The following FMN2 variants were observed in gnomAD, a reference collection of about 807,000 sequenced individuals.
FMN2 encodes formin 2.
Under a neutral mutation model 142.3 loss-of-function variants are expected in FMN2, and 51 were observed. The observed-to-expected ratio is 0.36, with a 90% CI of 0.29 to 0.45. The LOEUF is 0.45. FMN2 is among the 20% of genes least tolerant of loss of function. FMN2 has a pLI of 1.00. For synonymous variants in FMN2, 882 were observed against 869.8 expected (o/e 1.01, Z -0.25); for missense variants, 1,936 against 2,122.8 (o/e 0.91, Z 1.73).
intron 8 of FMN2, among the ~76,000 whole-genome samples, chr1:240,322,022 C>A (rs954278561): frequency 5.3e-5 from 8 of 152,104 alleles, no homozygotes; most frequent in Middle Eastern, 3.2e-3. Context: ...ATTTAATACA[C>A]CTAGCTTATC....
intron 4 of FMN2, among the ~76,000 whole-genome samples, chr1:240,193,430 AG>A (rs1169811567): frequency 6.6e-6 from 1 of 152,252 alleles, no homozygotes; most frequent in Non-Finnish European, 1.5e-5. Context: ...CTTAACAAAA[AG>A]GGTGAAGGTT....
chr1:240,335,525 T>G (rs981625339), intron 13 of FMN2, among the ~76,000 whole-genome samples: 2 of 152,194 alleles, frequency 1.3e-5, no homozygotes, highest in African/African-American at 2.4e-5. Context: ...CACACTATGA[T>G]GTGTAAATGC....
chr1:240,144,320 A>G, intron 2 of FMN2: 1 of 1,607,100 alleles, frequency 6.2e-7, no homozygotes, highest in Non-Finnish European at 8.5e-7. Context: ...GTTGTTCTCT[A>G]GGTGGGTTTT....
intron 16 of FMN2, among the ~76,000 whole-genome samples, chr1:240,448,867 G>A (rs188208814): frequency 1.3e-5 from 2 of 152,234 alleles, no homozygotes; most frequent in Admixed American, 6.5e-5. Flanking sequence ...AACTGGCAGG[G>A]TAGGGTGGCT....
chr1:240,381,450 G>A (rs1443884803), intron 14 of FMN2, among the ~76,000 whole-genome samples: 1 of 151,720 alleles, frequency 6.6e-6, no homozygotes, highest in African/African-American at 2.4e-5. Flanking sequence ...CTTTTTTTTA[G>A]ACAGATTCTC....
At chr1:240,384,402 G>A (rs182547505) in intron 14 of FMN2, among the ~76,000 whole-genome samples, 49 of 152,200 alleles carry the variant, frequency 3.2e-4, no homozygotes, top group Non-Finnish European at 5.7e-4. Flanking sequence ...ACCATGAGAG[G>A]CTGGTGCTGC....
chr1:240,180,236 A>G, intron 3 of FMN2: 1 of 1,156,376 alleles, frequency 8.6e-7, no homozygotes, highest in South Asian at 1.3e-5. Context: ...TATAAACCCC[A>G]GCAGTCATAT....
At chr1:240,298,529 G>A (rs1056512015) in intron 8 of FMN2, among the ~76,000 whole-genome samples, 3 of 152,106 alleles carry the variant, frequency 2.0e-5, no homozygotes, top group Admixed American at 1.3e-4. Flanking sequence ...TTAGGAACTG[G>A]GCCACACAGC....
intron 2 of FMN2, among the ~76,000 whole-genome samples, chr1:240,131,764 G>A (rs1662748088): frequency 6.6e-6 from 1 of 152,150 alleles, no homozygotes; most frequent in Non-Finnish European, 1.5e-5. Flanking sequence ...GCACAGGGGT[G>A]CATGTGAGCA....
intron 11 of FMN2, 70 bp downstream of exon 11, chr1:240,330,819 T>G (rs1177261070): frequency 6.5e-7 from 1 of 1,531,414 alleles, no homozygotes; most frequent in Non-Finnish European, 8.8e-7. Context: ...TGGGTTTGAA[T>G]GTAAAGCAGT....
intron 2 of FMN2, among the ~76,000 whole-genome samples, chr1:240,175,705 TTTG>T (rs57456680): frequency 6.6e-6 from 1 of 151,556 alleles, no homozygotes; most frequent in Non-Finnish European, 1.5e-5. Flanking sequence ...GGTGCTTTAT[TTTG>T]TTGTTGTTGT....
intron 15 of FMN2, among the ~76,000 whole-genome samples, chr1:240,415,012 C>T (rs987537906): frequency 2.0e-5 from 3 of 151,992 alleles, no homozygotes; most frequent in Admixed American, 6.6e-5. Context: ...CAAGAAACAC[C>T]CTTAGCATTG....
chr1:240,267,129 G>A (rs561919372), intron 7 of FMN2, among the ~76,000 whole-genome samples: 12 of 152,068 alleles, frequency 7.9e-5, no homozygotes, highest in Non-Finnish European at 1.8e-4. Flanking sequence ...CTTCTGCACA[G>A]CACGAGAAAC....
At chr1:240,237,431 T>C (rs1667748351) in intron 6 of FMN2, among the ~76,000 whole-genome samples, 2 of 152,236 alleles carry the variant, frequency 1.3e-5, no homozygotes, top group Admixed American at 6.5e-5. Flanking sequence ...TTGTCCGTTA[T>C]CAGTTTCCTA....
intron 6 of FMN2, among the ~76,000 whole-genome samples, chr1:240,247,063 G>C (rs777745966): frequency 6.6e-5 from 10 of 152,180 alleles, no homozygotes; most frequent in Non-Finnish European, 1.2e-4. Flanking sequence ...GGTTACTTAA[G>C]GACACTGTGG....
intron 16 of FMN2, among the ~76,000 whole-genome samples, chr1:240,455,654 G>A (rs1676214148): frequency 6.6e-6 from 1 of 152,060 alleles, no homozygotes; most frequent in Admixed American, 6.6e-5. Flanking sequence ...CTCTGGCCTA[G>A]GCAACAGAGC....
chr1:240,318,051 CTGTT>C (rs1282588108), intron 8 of FMN2, among the ~76,000 whole-genome samples: 2 of 152,180 alleles, frequency 1.3e-5, no homozygotes, highest in Non-Finnish European at 2.9e-5. Flanking sequence ...GGCGATATGT[CTGTT>C]TATGTCTTTT....
chr1:240,361,040 C>G (rs1474005409), intron 14 of FMN2, among the ~76,000 whole-genome samples: 1 of 150,770 alleles, frequency 6.6e-6, no homozygotes, highest in Non-Finnish European at 1.5e-5. Flanking sequence ...TTAATGGGTG[C>G]AGCACACCAA....
In FMN2 at chr1:240,092,143, G is replaced by C; in HGVS notation, c.34G>C (p.Ala12Pro). 6.4e-7 allele frequency: 1 copy of C among 1,564,694 alleles called. No individual in the cohort carries two copies. Among genetic ancestry groups the C allele is most frequent in the Non-Finnish European group, 8.7e-7 (1 of 1,155,038 alleles). ...GNQDGKLKRS[A>P]GDALHEGGGG... is the part of the protein sequence containing the mutation. Reference sequence around the variant, plus strand: ...CCAGGATGGGAAGCTGAAGAGGAGCGCAGGTGATGCTTTGCACGAAGGCGG... The same window carrying C: ...CCAGGATGGGAAGCTGAAGAGGAGCCCAGGTGATGCTTTGCACGAAGGCGG... The change falls in exon 1 of 18, where the codon GCA becomes CCA. Residue 12 changes from alanine to proline, a missense_variant. Around this residue, in one of 8 missense-constraint regions of FMN2, gnomAD observed 751 missense variants for 791.8 expected, o/e 0.95. Transcript: ENST00000319653.
Sources: allele counts gnomAD v4.1 joint callset (sites outside exome capture counted in the v4.1 genomes callset), GRCh38; gene constraint gnomAD v4.1.1; regional missense constraint gnomAD v4.1.1; transcripts MANE v1.5; gene names NCBI Gene and HGNC (gene_info 2026-07-23, HGNC 2026-07-21).